Variants in NOPCHAP1 observed in about 807,000 individuals in gnomAD.
NOPCHAP1 encodes the protein DNA damage-sensitive RNA 1.
NOPCHAP1 carries 13 observed loss-of-function variants against 14.0 expected under a neutral mutation model. The ratio of observed to expected loss-of-function variants is 0.93; its 90% CI spans 0.60 to 1.47. The LOEUF (loss-of-function observed/expected upper bound fraction) is 1.47, where lower values mean the gene tolerates loss of function less well. Ranked by LOEUF, NOPCHAP1 falls within the 40% of genes most tolerant of loss-of-function variation. The probability of loss-of-function intolerance (pLI) is 0.00; values close to 1 mark genes in which losing one functional copy is unlikely to be tolerated. For missense variants in NOPCHAP1, 230 were observed against 226.9 expected, an observed-to-expected ratio of 1.01 and a Z score of -0.09; for synonymous variants, 78 against 78.4, an observed-to-expected ratio of 1.00 and a Z score of 0.03.
intron 2 of NOPCHAP1, among the ~76,000 whole-genome samples, chr12:104,990,595 T>C (rs1370720034): frequency 1.3e-5 from 2 of 152,212 alleles, no homozygotes; most frequent in Admixed American, 6.5e-5. Context: ...TCATCTGTTA[T>C]GTAGCCATAG....
intron 1 of NOPCHAP1, among the ~76,000 whole-genome samples, chr12:104,987,271 C>G (rs1393189603): frequency 7.2e-5 from 11 of 152,186 alleles, no homozygotes. Context: ...CTCATCTAAT[C>G]CTCACAACAA....
At chr12:104,991,333 A>G (rs1208541933) in intron 2 of NOPCHAP1, among the ~76,000 whole-genome samples, 1 of 152,224 alleles carries the variant, frequency 6.6e-6, no homozygotes, top group Non-Finnish European at 1.5e-5. Flanking sequence ...TAACTGGCCC[A>G]AGGTAATTCA....
Position 105,002,691 on chromosome 12 carries a change from T to G in NOPCHAP1, c.*7995T>G, listed in dbSNP as rs1873631785. The G allele has an allele frequency of 6.6e-6, 1 of 152,220 alleles. No homozygotes were observed. The highest frequency in any genetic ancestry group is 1.5e-5 in the Non-Finnish European group (1 of 68,034). 9.4% of individuals were successfully genotyped at this position (152,220 alleles called of 1,614,324 possible). A position where few individuals can be genotyped will look rare whatever the true frequency, so the allele number is the denominator to read the frequency against. On this transcript the variant is annotated 3_prime_UTR_variant, in exon 4 of 4. Coordinates refer to ENST00000552951, the MANE Select transcript of NOPCHAP1 (RefSeq NM_152318.3). ...TTTTCCCATTCTCTTGTCATACATT[T>G]TCAAGCTTTGCCATGTCCCAGTATC...
rs371748784 is a variant in NOPCHAP1 at position 104,994,502 on chromosome 12, C to T, written c.364C>T (p.Gln122Ter). Residue 122 changes from glutamine (Q) to a stop codon, truncating the protein, a stop_gained, in exon 4 of 4, where the codon CAG becomes TAG. Coordinates refer to ENST00000552951, the MANE Select transcript of NOPCHAP1 (RefSeq NM_152318.3). LOFTEE classifies it low-confidence loss of function (END_TRUNC). ...QMDVALFEMN[Q>*]SDSKEVDSSE... ...GGATGTGGCTTTGTTTGAGATGAAT[C>T]AGTCGGATTCAAAAGAAGTGGACAG... 9.9e-6 allele frequency: 16 copies of T among 1,613,802 alleles called. No individual in the cohort carries two copies. Among genetic ancestry groups the T allele is most frequent in the Non-Finnish European group, 1.3e-5 (15 of 1,179,946 alleles).
chr12:105,009,561 T>C lies in NOPCHAP1; in HGVS notation c.*14865T>C, dbSNP rs1318623815. On this transcript the variant is annotated 3_prime_UTR_variant, in exon 4 of 4. Transcript: ENST00000552951. ...TGTGCTGGTTTTCAAAGGGAATGCTTCCAGCTTTTGCCCGTTCAGTATGAT... is the reference window on the plus strand; with the variant it reads ...TGTGCTGGTTTTCAAAGGGAATGCTCCCAGCTTTTGCCCGTTCAGTATGAT... The C allele has an allele frequency of 6.6e-6, 1 of 152,238 alleles. No individual in the cohort carries two copies. Among genetic ancestry groups the C allele is most frequent in the African/African-American group, 2.4e-5 (1 of 41,444 alleles). The allele number at this position is 152,238 out of a possible 1,614,324, so 9.4% of individuals were successfully genotyped here.
intron 2 of NOPCHAP1, among the ~76,000 whole-genome samples, chr12:104,989,449 A>G (rs898237711): frequency 3.3e-5 from 5 of 152,210 alleles, no homozygotes; most frequent in African/African-American, 1.2e-4. Context: ...TACTTTAAAG[A>G]CATCACTACA....
In NOPCHAP1 at chr12:105,010,826, C is replaced by G. The variant is rs904396450; in HGVS notation, c.*16130C>G. 6.6e-6 allele frequency: 1 copy of G among 152,202 alleles called. No individual in the cohort carries two copies. Among genetic ancestry groups the G allele is most frequent in the African/African-American group, 2.4e-5 (1 of 41,438 alleles). The allele number at this position is 152,202 out of a possible 1,614,324, so 9.4% of individuals were successfully genotyped here. ...AATCCTGAGTTTTAATTTGATTGCA[C>G]TGTGGTCTGAGAGACCATTTGTTAT... On this transcript the variant is annotated 3_prime_UTR_variant, in exon 4 of 4. Transcript: ENST00000552951.
rs919128694 is a variant in NOPCHAP1, at chr12:105,015,787, C to T, written c.*21091C>T. The T allele has an allele frequency of 6.6e-6, 1 of 152,164 alleles. No individual in the cohort carries two copies. Among genetic ancestry groups the T allele is most frequent in the East Asian group, 1.9e-4 (1 of 5,196 alleles). The allele number at this position is 152,164 out of a possible 1,614,324, so 9.4% of individuals were successfully genotyped here. On this transcript the variant is annotated 3_prime_UTR_variant, in exon 4 of 4. Transcript: ENST00000552951. ...AATGTATCCCCCATGGATAAGACTA[C>T]TTGTATAATCTGGTAAAATGGATGA...
At position 104,994,656 on chromosome 12, in the gene NOPCHAP1, T is replaced by C; in HGVS notation, c.518T>C (p.Ile173Thr). ...AATTCTGAAGGTGGAAAAGGCAAGATTGAAGTTTTGGACAGTCCAGCAAGT... is the reference window on the plus strand; with the variant it reads ...AATTCTGAAGGTGGAAAAGGCAAGACTGAAGTTTTGGACAGTCCAGCAAGT... ...LPNSEGGKGK[I>T]EVLDSPASKK... The change falls in exon 4 of 4, where the codon ATT (isoleucine) becomes ACT (threonine). Residue 173 changes from isoleucine to threonine, a missense_variant. By Grantham distance (89) the Ile-to-Thr change is moderately conservative (BLOSUM62 -1). Transcript: ENST00000552951. The C allele has an allele frequency of 1.9e-6, 3 of 1,613,718 alleles. No homozygotes were observed. Among genetic ancestry groups the C allele is most frequent in the Middle Eastern group, 1.7e-4 (1 of 6,060 alleles).
At position 105,011,353 on chromosome 12, in the gene NOPCHAP1, T is replaced by C. The variant is rs1457394220; in HGVS notation, c.*16657T>C. ...TGGTAAATATTCCTCCATCCCTTTA[T>C]TTTGAGCCTATGTGTGTCTTTGCAC... On this transcript the variant is annotated 3_prime_UTR_variant, in exon 4 of 4. Coordinates refer to ENST00000552951, the MANE Select transcript of NOPCHAP1 (RefSeq NM_152318.3). 6.6e-6 allele frequency: 1 copy of C among 152,204 alleles called. No homozygotes were observed. The highest frequency in any genetic ancestry group is 1.9e-4 in the East Asian group (1 of 5,204). 9.4% of individuals were successfully genotyped at this position (152,204 alleles called of 1,614,324 possible).
At position 105,014,428 on chromosome 12, in the gene NOPCHAP1, T is replaced by G. The variant is rs1873905411; in HGVS notation, c.*19732T>G. 1 of 152,240 alleles carries G rather than the reference T, an allele frequency of 6.6e-6. No homozygotes were observed. The highest frequency in any genetic ancestry group is 1.5e-5 in the Non-Finnish European group (1 of 68,042). The allele number at this position is 152,240 out of a possible 1,614,324, so 9.4% of individuals were successfully genotyped here. Reference sequence around the variant, plus strand: ...AATTGTCACAAATCTCCAAAAATGTTAAAAATATATTTATTGAAAATAATC... The same window carrying G: ...AATTGTCACAAATCTCCAAAAATGTGAAAAATATATTTATTGAAAATAATC... On this transcript the variant is annotated 3_prime_UTR_variant, in exon 4 of 4. Coordinates refer to ENST00000552951, the MANE Select transcript of NOPCHAP1 (RefSeq NM_152318.3).
Position 105,006,059 on chromosome 12 carries a change from G to A in NOPCHAP1, c.*11363G>A, listed in dbSNP as rs1453646644. On this transcript the variant is annotated 3_prime_UTR_variant, in exon 4 of 4. Coordinates refer to ENST00000552951, the MANE Select transcript of NOPCHAP1 (RefSeq NM_152318.3). ...TGAATTTCTCCAAGATCCCTGTCTTGAAACCCTTCACTCCACCTGCCCCAC... is the reference window on the plus strand; with the variant it reads ...TGAATTTCTCCAAGATCCCTGTCTTAAAACCCTTCACTCCACCTGCCCCAC... 2 of 152,152 alleles carry A rather than the reference G, an allele frequency of 1.3e-5. No individual in the cohort carries two copies. The highest frequency in any genetic ancestry group is 1.3e-4 in the Admixed American group (2 of 15,268). 9.4% of individuals were successfully genotyped at this position (152,152 alleles called of 1,614,324 possible).
rs1279080502 is a variant in NOPCHAP1 at position 105,011,922 on chromosome 12, A to AT, written c.*17232dup. 1 of 151,618 alleles carries AT rather than the reference A, an allele frequency of 6.6e-6. No homozygotes were observed. The highest frequency in any genetic ancestry group is 2.4e-5 in the African/African-American group (1 of 41,222). The allele number at this position is 151,618 out of a possible 1,614,324, so 9.4% of individuals were successfully genotyped here. On this transcript the variant is annotated 3_prime_UTR_variant, in exon 4 of 4. Transcript: ENST00000552951. ...ACCTTTCTCTCTGGCTGCCCTTAACATTTTTTCCTTCATTTCAACCTTGGT... is the reference window on the plus strand; with the variant it reads ...ACCTTTCTCTCTGGCTGCCCTTAACATTTTTTTCCTTCATTTCAACCTTGGT...
intron 3 of NOPCHAP1, among the ~76,000 whole-genome samples, chr12:104,993,621 C>T (rs1285799749): frequency 3.9e-5 from 6 of 152,146 alleles, no homozygotes; most frequent in Admixed American, 3.3e-4. Flanking sequence ...TAGAGCAGTG[C>T]GTCACTGTGT....
In NOPCHAP1 at chr12:105,009,236, A is replaced by G. The variant is rs937004865; in HGVS notation, c.*14540A>G. ...TAGGTATTTTATTATCTTTGTAGCA[A>G]TTGTGAATGGTAGTTCACTCATGAT... On this transcript the variant is annotated 3_prime_UTR_variant, in exon 4 of 4. Transcript: ENST00000552951. 1 of 152,194 alleles carries G rather than the reference A, an allele frequency of 6.6e-6. No homozygotes were observed. Among genetic ancestry groups the G allele is most frequent in the African/African-American group, 2.4e-5 (1 of 41,452 alleles). 9.4% of individuals were successfully genotyped at this position (152,194 alleles called of 1,614,324 possible).
chr12:104,986,543 G>GCCGGTGGCTCCCTGC, intron 1 of NOPCHAP1, 76 bp downstream of exon 1: 1 of 1,255,612 alleles, frequency 8.0e-7, no homozygotes. Flanking sequence ...TTGGGAGCCG[G>GCCGGTGGCTCCCTGC]CCGGTGGCTC....
In NOPCHAP1 at chr12:105,011,800, GA is replaced by G. The variant is rs1555222692; in HGVS notation, c.*17106del. ...CTGGGTTGAAAATTCTTCTTTTTAA[GA>G]ATGTTGAATATTGGCCCCCACTCTC... On this transcript the variant is annotated 3_prime_UTR_variant, in exon 4 of 4. Transcript: ENST00000552951. The G allele has an allele frequency of 6.6e-6, 1 of 152,202 alleles. No individual in the cohort carries two copies. Among genetic ancestry groups the G allele is most frequent in the Non-Finnish European group, 1.5e-5 (1 of 68,034 alleles). 9.4% of individuals were successfully genotyped at this position (152,202 alleles called of 1,614,324 possible).
Position 105,007,990 on chromosome 12 carries a change from A to T in NOPCHAP1, c.*13294A>T, listed in dbSNP as rs1248880724. On this transcript the variant is annotated 3_prime_UTR_variant, in exon 4 of 4. Coordinates refer to ENST00000552951, the MANE Select transcript of NOPCHAP1 (RefSeq NM_152318.3). ...ATACATGTGTCTTTATAGTAGAATG[A>T]TTTATAATCCTTTGGATATATACCC... 6.6e-6 allele frequency: 1 copy of T among 152,218 alleles called. No individual in the cohort carries two copies. Among genetic ancestry groups the T allele is most frequent in the Non-Finnish European group, 1.5e-5 (1 of 68,040 alleles). The allele number at this position is 152,218 out of a possible 1,614,324, so 9.4% of individuals were successfully genotyped here.
chr12:104,994,542 C>T lies in NOPCHAP1; in HGVS notation c.404C>T (p.Ser135Leu), dbSNP rs1222938914. The change falls in exon 4 of 4, where the codon TCA becomes TTA. Residue 135 changes from serine (S) to leucine (L), a missense_variant. By Grantham distance (145) the Ser-to-Leu change is moderately radical. Coordinates refer to ENST00000552951, the MANE Select transcript of NOPCHAP1 (RefSeq NM_152318.3). ...GAAGTGGACAGTTCAGAAGAGAGTT[C>T]ACAAGACAGTTCAGAGAACAGTTCA... ...SKEVDSSEESSQDSSENSSES... is the reference protein window; with the variant it reads ...SKEVDSSEESLQDSSENSSES... 1.2e-6 allele frequency: 2 copies of T among 1,612,950 alleles called. No homozygotes were observed. Among genetic ancestry groups the T allele is most frequent in the Non-Finnish European group, 1.7e-6 (2 of 1,179,466 alleles).
Sources: gnomAD v4.1 joint callset for allele counts (sites outside exome capture counted in the v4.1 genomes callset) on GRCh38, gnomAD v4.1.1 for gene constraint, MANE v1.5 for transcripts, NCBI Gene and HGNC (gene_info 2026-07-23, HGNC 2026-07-21) for gene names.